Variants in UHRF2 observed in about 807,000 individuals in gnomAD.
UHRF2 encodes the protein ubiquitin like with PHD and ring finger domains 2.
UHRF2 carries 23 observed loss-of-function variants against 96.8 expected under a neutral mutation model. That is an observed-to-expected ratio of 0.24 (90% CI 0.17 to 0.34). The LOEUF (loss-of-function observed/expected upper bound fraction) is 0.34, where lower values mean the gene tolerates loss of function less well. Ranked by LOEUF, UHRF2 falls within the 10% of genes least tolerant of loss-of-function variation. The pLI, the probability that UHRF2 is intolerant of heterozygous loss-of-function variation, is 1.00. For synonymous variants in UHRF2, 385 were observed against 332.6 expected, an observed-to-expected ratio of 1.16 and a Z score of -1.72; for missense variants, 685 against 981.5, an observed-to-expected ratio of 0.70 and a Z score of 4.04.
At chr9:6,481,918 C>T in intron 7 of UHRF2, 74 bp from the exon 8 acceptor site, 1 of 1,562,086 alleles carries the variant, frequency 6.4e-7, no homozygotes. Flanking sequence ...GGTTCCTAGT[C>T]ACATCTCAGA....
chr9:6,497,062 T>C, intron 10 of UHRF2, 136 bp from the exon 11 acceptor site: 1 of 830,606 alleles, frequency 1.2e-6, no homozygotes, highest in Non-Finnish European at 1.8e-6. Context: ...AATCCTATTA[T>C]CTGGAATAAT....
intron 4 of UHRF2, among the ~76,000 whole-genome samples, chr9:6,472,623 A>G (rs1563785844): frequency 6.6e-6 from 1 of 152,238 alleles, no homozygotes; most frequent in African/African-American, 2.4e-5. Flanking sequence ...ATATTTTTAC[A>G]TTTAGAAACA....
intron 4 of UHRF2, among the ~76,000 whole-genome samples, chr9:6,471,784 C>G (rs1167928914): frequency 1.3e-5 from 2 of 152,146 alleles, no homozygotes; most frequent in East Asian, 1.9e-4. Context: ...TCTTTAAACT[C>G]TTTAAATTGG....
chr9:6,456,604 G>A (rs1189251903), intron 3 of UHRF2, among the ~76,000 whole-genome samples: 1 of 152,104 alleles, frequency 6.6e-6, no homozygotes, highest in Non-Finnish European at 1.5e-5. Flanking sequence ...TGGAGTCTTT[G>A]CCCATGCCTT....
In UHRF2 at chr9:6,434,254, A is replaced by G. The variant is rs982616059; in HGVS notation, c.644+81A>G. The G allele has an allele frequency of 5.5e-6, 8 of 1,466,450 alleles. No individual in the cohort carries two copies. In the African/African-American group the frequency reaches 7.1e-5, roughly 13 times the overall value. 90.8% of individuals were successfully genotyped at this position (1,466,450 alleles called of 1,614,324 possible). On this transcript the variant is annotated intron_variant, in intron 3 of 15. Coordinates refer to ENST00000276893, the MANE Select transcript of UHRF2 (RefSeq NM_152896.3). ...GCCTTCTATTTCAAGATTATTTTAA[A>G]TAGTCTTTCTGAAGAAATCCTTTAG...
At chr9:6,458,802 G>A (rs1822340122) in intron 3 of UHRF2, among the ~76,000 whole-genome samples, 1 of 152,188 alleles carries the variant, frequency 6.6e-6, no homozygotes, top group Non-Finnish European at 1.5e-5. Flanking sequence ...CAACAGCAAA[G>A]ACTTGGAACC....
At chr9:6,485,001 C>G (rs933565491) in intron 8 of UHRF2, among the ~76,000 whole-genome samples, 2 of 151,790 alleles carry the variant, frequency 1.3e-5, no homozygotes, top group Admixed American at 1.3e-4. Context: ...CCATGTTGGT[C>G]AGGCTGGTCT....
intron 12 of UHRF2, chr9:6,499,084 A>AT (rs1444664833): frequency 8.5e-5 from 13 of 152,168 alleles, no homozygotes; most frequent in Admixed American, 7.9e-4. Context: ...CTTTCAGAAG[A>AT]TTTTTCAGAT....
Position 6,445,981 on chromosome 9 carries a change from C to CTTTGTTTTTTTTTTTTTTT in UHRF2, c.644+11811_644+11812insGTTTTTTTTTTTTTTTTTT, listed in dbSNP as rs751155835. ...TAAATACTCTTCCCCCCCCGCCACC[C>CTTTGTTTTTTTTTTTTTTT]TTTTTTTTTTTTTTTTTTTCCTGTT... On this transcript the variant is annotated intron_variant, in intron 3 of 15. Coordinates refer to ENST00000276893, the MANE Select transcript of UHRF2 (RefSeq NM_152896.3). Among the ~76,000 whole-genome samples, 89 of 78,896 alleles carry CTTTGTTTTTTTTTTTTTTT rather than the reference C, an allele frequency of 1.1e-3. 5 individuals are homozygous for CTTTGTTTTTTTTTTTTTTT. Among genetic ancestry groups the CTTTGTTTTTTTTTTTTTTT allele is most frequent in the African/African-American group, 4.0e-3 (76 of 19,054 alleles). 51.8% of individuals were successfully genotyped at this position (78,896 alleles called of 152,430 possible).
At chr9:6,475,822 T>G (rs1458007679) in intron 5 of UHRF2, among the ~76,000 whole-genome samples, 1 of 152,182 alleles carries the variant, frequency 6.6e-6, no homozygotes, top group Non-Finnish European at 1.5e-5. Flanking sequence ...GTGTAAATGA[T>G]CAAATCTGGG....
At chr9:6,470,387 A>G (rs567349990) in intron 4 of UHRF2, among the ~76,000 whole-genome samples, 2 of 152,238 alleles carry the variant, frequency 1.3e-5, no homozygotes, top group Non-Finnish European at 2.9e-5. Context: ...TTCCCAACTT[A>G]AAATATCTTT....
chr9:6,431,348 A>G (rs1293221356), intron 2 of UHRF2, among the ~76,000 whole-genome samples: 2 of 152,104 alleles, frequency 1.3e-5, no homozygotes, highest in East Asian at 3.9e-4. Flanking sequence ...TGCCTTGTGC[A>G]TGTAATCTCA....
At chr9:6,451,712 C>T (rs892072510) in intron 3 of UHRF2, among the ~76,000 whole-genome samples, 8 of 152,174 alleles carry the variant, frequency 5.3e-5, no homozygotes, top group East Asian at 1.9e-4. Flanking sequence ...ACCTCGTGAT[C>T]CGCCTTTCTC....
intron 8 of UHRF2, among the ~76,000 whole-genome samples, chr9:6,484,073 C>CA (rs1824097495): frequency 1.5e-5 from 2 of 135,646 alleles, no homozygotes; most frequent in South Asian, 4.7e-4. Flanking sequence ...TTCTTTCTTT[C>CA]TTTTTTTTTT....
At chr9:6,462,324 T>TA (rs770054900) in intron 4 of UHRF2, among the ~76,000 whole-genome samples, 2,055 of 141,492 alleles carry the variant, frequency 0.015, 18 homozygotes, top group African/African-American at 0.032. Context: ...TCCTGAGATT[T>TA]AAAAAAAAAA....
chr9:6,420,330 C>T (rs529304827), intron 1 of UHRF2, among the ~76,000 whole-genome samples: 2 of 151,480 alleles, frequency 1.3e-5, no homozygotes, highest in South Asian at 4.2e-4. Context: ...ACTGAGATTA[C>T]AGGCGTGAGC....
intron 9 of UHRF2, chr9:6,492,357 G>C (rs1408378418): frequency 8.2e-7 from 1 of 1,220,884 alleles, no homozygotes; most frequent in Admixed American, 2.4e-5. Context: ...CCGGGTGGAA[G>C]ACTGGTTTTG....
intron 3 of UHRF2, among the ~76,000 whole-genome samples, chr9:6,444,239 T>C (rs745444623): frequency 5.3e-5 from 8 of 152,226 alleles, no homozygotes; most frequent in Non-Finnish European, 1.2e-4. Context: ...TCTGCTCTAT[T>C]GCTTCTTGGT....
At chr9:6,435,642 T>C (rs967612948) in intron 3 of UHRF2, among the ~76,000 whole-genome samples, 1 of 152,212 alleles carries the variant, frequency 6.6e-6, no homozygotes, top group Non-Finnish European at 1.5e-5. Context: ...AGTCTTGCTC[T>C]GTCACCCAGG....
Sources: gnomAD v4.1 joint callset for allele counts (sites outside exome capture counted in the v4.1 genomes callset) on GRCh38, gnomAD v4.1.1 for gene constraint, MANE v1.5 for transcripts, NCBI Gene and HGNC (gene_info 2026-07-23, HGNC 2026-07-21) for gene names.